CARMIL1: variants seen among roughly 807,000 people sequenced by gnomAD.
CARMIL1 encodes the protein capping protein regulator and myosin 1 linker 1, also known as F-actin-uncapping protein LRRC16A.
CARMIL1 carries 90 observed loss-of-function variants against 177.1 expected under a neutral mutation model. That is an observed-to-expected ratio of 0.51 (90% CI 0.43 to 0.61). The LOEUF is 0.61. Ranked by LOEUF, CARMIL1 falls within the 20% of genes least tolerant of loss-of-function variation. The probability of loss-of-function intolerance (pLI) is 0.00; values close to 1 mark genes in which losing one functional copy is unlikely to be tolerated. For synonymous variants in CARMIL1, 577 were observed against 606.2 expected (o/e 0.95, Z 0.71); for missense variants, 1,380 against 1,667.0 (o/e 0.83, Z 3.00).
rs75238883 is a variant in CARMIL1 at position 25,383,094 on chromosome 6, T to C, written c.139-37020T>C. Among the ~76,000 whole-genome samples, 564 of 152,214 alleles carry C rather than the reference T, an allele frequency of 3.7e-3. 5 individuals carry two copies. Among genetic ancestry groups the C allele is most frequent in the African/African-American group, 0.012 (507 of 41,536 alleles). On this transcript the variant is annotated intron_variant, in intron 2 of 36. Coordinates refer to ENST00000329474, the MANE Select transcript of CARMIL1 (RefSeq NM_017640.6). ...GGTTGAGTACTATGGGGTGATTTGA[T>C]TGGACAGGTTCTGATGAGTCTGGTA... is the stretch of plus-strand genomic sequence containing the variant.
At chr6:25,578,808 T>C (rs1812844739) in intron 29 of CARMIL1, among the ~76,000 whole-genome samples, 1 of 152,172 alleles carries the variant, frequency 6.6e-6, no homozygotes, top group South Asian at 2.1e-4. Context: ...TACTTACCCT[T>C]GTAAAAAGCA....
chr6:25,413,772 G>A (rs1288908898), intron 2 of CARMIL1, among the ~76,000 whole-genome samples: 1 of 152,094 alleles, frequency 6.6e-6, no homozygotes, highest in African/African-American at 2.4e-5. Flanking sequence ...TGTGGTGAAG[G>A]TTCCTTGGCT....
intron 5 of CARMIL1, among the ~76,000 whole-genome samples, chr6:25,441,337 A>ATATATATATATATATATGTGTG: frequency 7.4e-4 from 70 of 94,512 alleles, no homozygotes; most frequent in South Asian, 2.9e-3. Flanking sequence ...ATATATATAT[A>ATATATATATATATATATGTGTG]TGTGTGTGTG....
At chr6:25,295,459 C>T (rs111352296) in intron 2 of CARMIL1, among the ~76,000 whole-genome samples, 2,266 of 152,108 alleles carry the variant, frequency 0.015, 52 homozygotes, top group African/African-American at 0.046. Context: ...TGGATAAATT[C>T]GTGGAAGTGG....
intron 5 of CARMIL1, among the ~76,000 whole-genome samples, chr6:25,443,854 A>G (rs1460592231): frequency 3.3e-5 from 5 of 151,866 alleles, no homozygotes; most frequent in African/African-American, 1.2e-4. Context: ...CTCAGGCTAG[A>G]GTGCAATGGC....
At chr6:25,512,189 G>A (rs181754022) in intron 20 of CARMIL1, among the ~76,000 whole-genome samples, 77 of 152,158 alleles carry the variant, frequency 5.1e-4, no homozygotes, top group Non-Finnish European at 1.0e-3. Flanking sequence ...TTTATGAAAA[G>A]TACATAAATT....
intron 2 of CARMIL1, among the ~76,000 whole-genome samples, chr6:25,372,927 A>G (rs1790564925): frequency 6.6e-6 from 1 of 152,018 alleles, no homozygotes; most frequent in African/African-American, 2.4e-5. Flanking sequence ...TTCTATCCCT[A>G]GTTTGTTGAG....
intron 1 of CARMIL1, among the ~76,000 whole-genome samples, chr6:25,280,587 G>GTT (rs780841300): frequency 2.9e-5 from 4 of 139,738 alleles, no homozygotes; most frequent in Non-Finnish European, 4.7e-5. Flanking sequence ...GTACCTTGAG[G>GTT]TTTTTTTTTT....
chr6:25,554,210 T>C lies in CARMIL1; in HGVS notation c.2592+114T>C. The C allele has an allele frequency of 1.3e-6, 1 of 760,352 alleles. No individual in the cohort carries two copies. The allele number at this position is 760,352 out of a possible 1,614,324, so 47.1% of individuals were successfully genotyped here. ...TTCTGTATTTCACACTATTACAGCT[T>C]TATGGTTTGTGATCTTGGTTTTCCT... On this transcript the variant is annotated intron_variant, in intron 28 of 36. Coordinates refer to ENST00000329474, the MANE Select transcript of CARMIL1 (RefSeq NM_017640.6). The surrounding 1 kb of genome is among the most constrained non-coding windows in gnomAD (Gnocchi z 4.6).
chr6:25,450,103 A>G (rs1798639405), intron 6 of CARMIL1, 108 bp downstream of exon 6: 22 of 947,002 alleles, frequency 2.3e-5, no homozygotes, highest in Non-Finnish European at 3.0e-5. Context: ...ATTAGTTTCA[A>G]GGTGTAATTA....
chr6:25,542,328 A>G (rs1453554352), intron 26 of CARMIL1, among the ~76,000 whole-genome samples: 9 of 152,228 alleles, frequency 5.9e-5, no homozygotes, highest in Admixed American at 4.6e-4. Flanking sequence ...AAGTATAACA[A>G]TTTGAATTTT....
At chr6:25,452,271 T>C in intron 8 of CARMIL1, 1 of 761,054 alleles carries the variant, frequency 1.3e-6, no homozygotes, top group Non-Finnish European at 2.4e-6. Flanking sequence ...TTCCTATAAG[T>C]GAGGCAACTT....
chr6:25,495,609 A>G (rs1198425104), intron 16 of CARMIL1, among the ~76,000 whole-genome samples: 4 of 150,528 alleles, frequency 2.7e-5, no homozygotes. Context: ...TCTTTCTACT[A>G]ATAGTAATAA....
intron 2 of CARMIL1, among the ~76,000 whole-genome samples, chr6:25,289,747 C>G (rs1404964785): frequency 6.6e-6 from 1 of 152,218 alleles, no homozygotes; most frequent in Non-Finnish European, 1.5e-5. Context: ...TTCCCTGGAC[C>G]TTCATCCAAG....
intron 5 of CARMIL1, among the ~76,000 whole-genome samples, chr6:25,439,858 T>G (rs763791352): frequency 4.6e-5 from 7 of 152,140 alleles, no homozygotes; most frequent in Non-Finnish European, 8.8e-5. Context: ...GATAAAAGCA[T>G]ATGCTTAAAC....
chr6:25,365,335 T>A (rs1789664409), intron 2 of CARMIL1, among the ~76,000 whole-genome samples: 1 of 152,228 alleles, frequency 6.6e-6, no homozygotes, highest in South Asian at 2.1e-4. Flanking sequence ...CCCATCTGAG[T>A]GCTGTATTCA....
chr6:25,617,911 GA>G (rs1048480455), intron 36 of CARMIL1, among the ~76,000 whole-genome samples: 1 of 152,094 alleles, frequency 6.6e-6, no homozygotes, highest in African/African-American at 2.4e-5. Context: ...TTTCTAAAAA[GA>G]AAAAATAATA....
chr6:25,589,023 G>C (rs147007560), intron 31 of CARMIL1, among the ~76,000 whole-genome samples: 16 of 152,282 alleles, frequency 1.1e-4, no homozygotes, highest in Non-Finnish European at 2.1e-4. Context: ...CTAACTCCTG[G>C]GTAATAGGTT....
Position 25,620,251 on chromosome 6 carries a change from AGAGT to A in CARMIL1, c.*672_*675del, listed in dbSNP as rs1759635871. The A allele has an allele frequency of 6.6e-6, 1 of 152,370 alleles. No individual in the cohort carries two copies. Among genetic ancestry groups the A allele is most frequent in the Non-Finnish European group, 1.5e-5 (1 of 68,044 alleles). 9.4% of individuals were successfully genotyped at this position (152,370 alleles called of 1,614,324 possible). A position where few individuals can be genotyped will look rare whatever the true frequency, so the allele number is the denominator to read the frequency against. On this transcript the variant is annotated 3_prime_UTR_variant, in exon 37 of 37. Coordinates refer to ENST00000329474, the MANE Select transcript of CARMIL1 (RefSeq NM_017640.6). ...ACCATCAACGAGCACAGCTAAGAAC[AGAGT>A]GAGAGAGGCCCATGGCTGATTTTAC...
Sources: allele counts gnomAD v4.1 joint callset (sites outside exome capture counted in the v4.1 genomes callset), GRCh38; gene constraint gnomAD v4.1.1; non-coding constraint Gnocchi (gnomAD v3.1); transcripts MANE v1.5; gene names NCBI Gene and HGNC (gene_info 2026-07-23, HGNC 2026-07-21).